CMIP: variants seen among roughly 807,000 people sequenced by gnomAD.
The protein encoded by CMIP is C-Maf-inducing protein.
CMIP carries 13 observed loss-of-function variants against 97.3 expected under a neutral mutation model. That is an observed-to-expected ratio of 0.13 (90% CI 0.09 to 0.21). The LOEUF is 0.21. CMIP is among the 10% of genes least tolerant of loss of function. CMIP has a pLI of 1.00. For missense variants in CMIP, 847 were observed against 1,024.9 expected (o/e 0.83, Z 2.37); for synonymous variants, 538 against 436.3 (o/e 1.23, Z -2.91).
intron 1 of CMIP, among the ~76,000 whole-genome samples, chr16:81,466,867 G>A (rs897554951): frequency 9.9e-5 from 15 of 152,206 alleles, no homozygotes; most frequent in African/African-American, 2.4e-4. Context: ...CCTTCACCAA[G>A]TTTAGAAAGC....
At chr16:81,646,846 T>C (rs1359447684) in intron 3 of CMIP, among the ~76,000 whole-genome samples, 2 of 152,260 alleles carry the variant, frequency 1.3e-5, no homozygotes, top group African/African-American at 4.8e-5. Context: ...GTTGAATGGC[T>C]ATACCACATC....
chr16:81,538,310 G>T (rs1318733539), intron 1 of CMIP, among the ~76,000 whole-genome samples: 1 of 152,204 alleles, frequency 6.6e-6, no homozygotes, highest in African/African-American at 2.4e-5. Context: ...GGCCCCCGGC[G>T]GTGGCTCCTG....
At chr16:81,504,544 G>C (rs1268398077) in intron 1 of CMIP, among the ~76,000 whole-genome samples, 1 of 149,894 alleles carries the variant, frequency 6.7e-6, no homozygotes, top group Non-Finnish European at 1.5e-5. Context: ...TCGGGAGGCT[G>C]AGGCAGGAGA....
At chr16:81,670,723 C>G (rs912636374) in intron 8 of CMIP, among the ~76,000 whole-genome samples, 2 of 152,042 alleles carry the variant, frequency 1.3e-5, no homozygotes, top group African/African-American at 4.8e-5. Context: ...ATCCCTCGCC[C>G]AGTTAGTGTG....
At chr16:81,446,442 G>A (rs1905847801) in intron 1 of CMIP, among the ~76,000 whole-genome samples, 1 of 152,002 alleles carries the variant, frequency 6.6e-6, no homozygotes, top group South Asian at 2.1e-4. Context: ...GGGAGAGTGG[G>A]GGTGGCGGGT....
In CMIP at chr16:81,550,776, A is replaced by G. The variant is rs184039525; in HGVS notation, c.301-56791A>G. 1.4e-3 allele frequency among the ~76,000 whole-genome samples: 207 copies of G among 152,082 alleles called. 1 individual carries two copies. The highest frequency in any genetic ancestry group is 4.8e-3 in the African/African-American group (200 of 41,450). ...GAAGTGATGCCTGGTTACAGCACATAGATTCTCCTTACACCCAGGAGAGGA... is the reference window on the plus strand; with the variant it reads ...GAAGTGATGCCTGGTTACAGCACATGGATTCTCCTTACACCCAGGAGAGGA... On this transcript the variant is annotated intron_variant, in intron 1 of 20. Coordinates refer to ENST00000537098, the MANE Select transcript of CMIP (RefSeq NM_198390.3).
chr16:81,668,502 C>T (rs1171747060), intron 7 of CMIP, among the ~76,000 whole-genome samples: 4 of 152,178 alleles, frequency 2.6e-5, no homozygotes, highest in Non-Finnish European at 4.4e-5. Flanking sequence ...CTTCCTGACA[C>T]CTGGAAGAGG....
intron 1 of CMIP, among the ~76,000 whole-genome samples, chr16:81,469,821 A>G (rs1326042798): frequency 2.0e-5 from 3 of 152,242 alleles, no homozygotes; most frequent in African/African-American, 7.2e-5. Flanking sequence ...CCGTGGGAGT[A>G]TCAGAGCCAC....
chr16:81,516,890 G>A (rs1439882368), intron 1 of CMIP, among the ~76,000 whole-genome samples: 2 of 151,728 alleles, frequency 1.3e-5, no homozygotes, highest in East Asian at 1.9e-4. Flanking sequence ...AAAACCACAC[G>A]GCCTTCAAGG....
intron 1 of CMIP, among the ~76,000 whole-genome samples, chr16:81,447,338 G>C (rs554305146): frequency 7.2e-5 from 11 of 152,076 alleles, no homozygotes; most frequent in African/African-American, 2.2e-4. Flanking sequence ...GGGAAGGCCA[G>C]GAGGAGCCCC....
intron 1 of CMIP, among the ~76,000 whole-genome samples, chr16:81,545,682 C>A (rs959470391): frequency 2.0e-5 from 3 of 152,198 alleles, no homozygotes; most frequent in African/African-American, 7.2e-5. Context: ...CTTGACTGAT[C>A]TGCTTCTGTT....
chr16:81,637,525 G>T (rs908784560), intron 3 of CMIP, among the ~76,000 whole-genome samples: 2 of 152,190 alleles, frequency 1.3e-5, no homozygotes, highest in African/African-American at 4.8e-5. Flanking sequence ...TTACAGATGA[G>T]GAAACTAAGG....
At chr16:81,696,515 C>G in intron 13 of CMIP, 45 bp from the exon 14 acceptor site, 1 of 1,562,248 alleles carries the variant, frequency 6.4e-7, no homozygotes, top group Non-Finnish European at 8.7e-7. Flanking sequence ...CCCTTGTCAC[C>G]GGGGCTGCAT....
At chr16:81,557,326 TAC>T (rs1213861489) in intron 1 of CMIP, among the ~76,000 whole-genome samples, 1 of 136,488 alleles carries the variant, frequency 7.3e-6, no homozygotes, top group Non-Finnish European at 1.6e-5. Flanking sequence ...TGGTTGAATT[TAC>T]TGATGTTGGT....
intron 5 of CMIP, among the ~76,000 whole-genome samples, chr16:81,659,897 G>C (rs928880105): frequency 6.6e-6 from 1 of 152,192 alleles, no homozygotes; most frequent in South Asian, 2.1e-4. Context: ...TACTATTGCT[G>C]TTGTCATTAT....
intron 1 of CMIP, among the ~76,000 whole-genome samples, chr16:81,541,467 C>A (rs1351836816): frequency 1.3e-5 from 2 of 152,136 alleles, no homozygotes; most frequent in Non-Finnish European, 2.9e-5. Flanking sequence ...GATCGGTGCC[C>A]CAGGCTGGTA....
intron 1 of CMIP, among the ~76,000 whole-genome samples, chr16:81,565,432 C>T (rs1438981598): frequency 6.6e-6 from 1 of 152,188 alleles, no homozygotes; most frequent in East Asian, 1.9e-4. Flanking sequence ...GCACTCCATC[C>T]TCCTGCTCCC....
intron 1 of CMIP, among the ~76,000 whole-genome samples, chr16:81,482,242 C>A (rs2089237557): frequency 6.6e-6 from 1 of 152,180 alleles, no homozygotes; most frequent in Non-Finnish European, 1.5e-5. Context: ...GGGGCACCTT[C>A]CGTCTCAAGA....
In CMIP at chr16:81,560,191, G is replaced by GGTTTT. The variant is rs1181704018; in HGVS notation, c.301-47360_301-47356dup. ...AAGAAAAAAAGTTGTGTGTTTTTTT[G>GGTTTT]GTTTTGTTTTGTTTTGTTTTTGTTT... On this transcript the variant is annotated intron_variant, in intron 1 of 20. Coordinates refer to ENST00000537098, the MANE Select transcript of CMIP (RefSeq NM_198390.3). Among the ~76,000 whole-genome samples the GGTTTT allele has an allele frequency of 6.4e-3, 889 of 138,672 alleles. 8 individuals carry two copies. Among genetic ancestry groups the GGTTTT allele is most frequent in the African/African-American group, 0.021 (833 of 39,284 alleles). The allele number at this position is 138,672 out of a possible 152,430, so 91.0% of individuals were successfully genotyped here.
Sources: gnomAD v4.1 joint callset for allele counts (sites outside exome capture counted in the v4.1 genomes callset) on GRCh38, gnomAD v4.1.1 for gene constraint, MANE v1.5 for transcripts, NCBI Gene and HGNC (gene_info 2026-07-23, HGNC 2026-07-21) for gene names.